The following PTPRN2 variants were observed in gnomAD, a reference collection of about 807,000 sequenced individuals.
PTPRN2 encodes the protein protein tyrosine phosphatase receptor type N2.
A neutral mutation model predicts 118.8 loss-of-function variants in PTPRN2; 74 were observed. The ratio of observed to expected loss-of-function variants is 0.62; its 90% CI spans 0.52 to 0.76. The LOEUF is 0.76. PTPRN2 is among the 30% of genes least tolerant of loss of function. PTPRN2 has a pLI of 0.00. For missense variants in PTPRN2, 1,481 were observed against 1,394.4 expected (o/e 1.06, Z -0.99); for synonymous variants, 641 against 608.0 (o/e 1.05, Z -0.80).
chr7:158,270,764 CA>C (rs1798278813), intron 3 of PTPRN2, among the ~76,000 whole-genome samples: 1 of 145,798 alleles, frequency 6.9e-6, no homozygotes, highest in African/African-American at 2.7e-5. Context: ...CCACCTGGAC[CA>C]CCCCGTCCAC....
At chr7:157,656,579 G>A (rs1210216038) in intron 13 of PTPRN2, 28 bp from the exon 14 acceptor site, 4 of 1,503,448 alleles carry the variant, frequency 2.7e-6, no homozygotes, top group South Asian at 2.4e-5. Flanking sequence ...GAAGAGCAGG[G>A]GGTTAGTGGC....
chr7:158,109,947 G>A (rs139085611), intron 10 of PTPRN2, among the ~76,000 whole-genome samples: 135 of 152,188 alleles, frequency 8.9e-4, no homozygotes, highest in African/African-American at 3.0e-3. Flanking sequence ...GGGAGCCAGT[G>A]AGTGAATGAC....
intron 1 of PTPRN2, among the ~76,000 whole-genome samples, chr7:158,516,162 T>A (rs1823544676): frequency 6.6e-6 from 1 of 152,064 alleles, no homozygotes; most frequent in Non-Finnish European, 1.5e-5. Context: ...TCCAATTCAT[T>A]CTCCTCTCTC....
At position 157,831,674 on chromosome 7, in the gene PTPRN2, A is replaced by G. The variant is rs1807579715; in HGVS notation, c.1788+66999T>C. Among the ~76,000 whole-genome samples the G allele has an allele frequency of 6.6e-6, 1 of 152,158 alleles. No individual in the cohort carries two copies. The highest frequency in any genetic ancestry group is 2.1e-4 in the South Asian group (1 of 4,824). On this transcript the variant is annotated intron_variant, in intron 12 of 22. Transcript: ENST00000389418. This position sits in a 1 kb window ranked among gnomAD's most constrained non-coding sequence, Gnocchi z 4.8. ...TTGGGAGTCTACACAGGTGTTCTGC[A>G]CTGAGCTCCCCTCTACTTCGGGCCT... is the stretch of plus-strand genomic sequence containing the variant.
chr7:158,284,063 T>C (rs377077133), intron 3 of PTPRN2, among the ~76,000 whole-genome samples: 1 of 152,188 alleles, frequency 6.6e-6, no homozygotes, highest in South Asian at 2.1e-4. Flanking sequence ...TTCGATGTCG[T>C]TGGATTTTCC....
chr7:157,981,536 A>G (rs949251823), intron 11 of PTPRN2, among the ~76,000 whole-genome samples: 8 of 152,262 alleles, frequency 5.3e-5, no homozygotes, highest in African/African-American at 1.9e-4. Context: ...CTGTTTTAAA[A>G]GGAGCTTTTC....
chr7:158,369,375 C>A (rs1809787913), intron 2 of PTPRN2, among the ~76,000 whole-genome samples: 1 of 151,880 alleles, frequency 6.6e-6, no homozygotes, highest in Non-Finnish European at 1.5e-5. Context: ...AGAACCCTGA[C>A]TAATACACAG....
In PTPRN2 at chr7:157,790,284, G is replaced by GTGTGT. The variant is rs1445041654; in HGVS notation, c.1789-107352_1789-107348dup. On this transcript the variant is annotated intron_variant, in intron 12 of 22. Coordinates refer to ENST00000389418, the MANE Select transcript of PTPRN2 (RefSeq NM_002847.5). ...TGTGTGGTGTTTGTGTGGTGTGAAT[G>GTGTGT]TGTGTGGTGTGTGTATGGTGGTGTG... Among the ~76,000 whole-genome samples the GTGTGT allele has an allele frequency of 1.5e-3, 230 of 149,098 alleles. 1 individual carries two copies. The highest frequency in any genetic ancestry group is 5.6e-3 in the African/African-American group (225 of 40,466).
chr7:158,282,489 C>T (rs773244084), intron 3 of PTPRN2, among the ~76,000 whole-genome samples: 13 of 152,320 alleles, frequency 8.5e-5, no homozygotes, highest in South Asian at 2.1e-4. Flanking sequence ...CAGGAAGCCG[C>T]GGGCAGAGCA....
intron 2 of PTPRN2, among the ~76,000 whole-genome samples, chr7:158,331,040 G>C (rs112599670): frequency 4.9e-5 from 7 of 143,106 alleles, no homozygotes; most frequent in African/African-American, 1.8e-4. Context: ...CACCATAAGA[G>C]GTGACACCTG....
intron 2 of PTPRN2, among the ~76,000 whole-genome samples, chr7:158,450,451 G>GC (rs1554506322): frequency 6.6e-6 from 1 of 152,146 alleles, no homozygotes; most frequent in Non-Finnish European, 1.5e-5. Context: ...GCACAAAAAC[G>GC]CATCGTATAG....
rs751580277 is a variant in PTPRN2 at position 157,548,963 on chromosome 7, C to T, written c.2959G>A (p.Gly987Ser). Residue 987 changes from glycine (G) to serine (S), a missense_variant, in exon 22 of 23, where the codon GGC (glycine) becomes AGC (serine). Physicochemically the swap from Gly to Ser is moderately conservative, Grantham distance 56. Transcript: ENST00000389418. Reference sequence around the variant, plus strand: ...GACAGTACCTTCGTCTGGACCATGCCGGGTCTCTGGTCCCTCAAGTGCTCC... The same window carrying T: ...GACAGTACCTTCGTCTGGACCATGCTGGGTCTCTGGTCCCTCAAGTGCTCC... ...TLEHLRDQRP[G>S]MVQTKEQFEF... 9 of 1,614,156 alleles carry T rather than the reference C, an allele frequency of 5.6e-6. No individual in the cohort carries two copies. Among genetic ancestry groups the T allele is most frequent in the Admixed American group, 1.7e-5 (1 of 60,022 alleles).
intron 1 of PTPRN2, among the ~76,000 whole-genome samples, chr7:158,579,986 T>C (rs986762630): frequency 2.6e-5 from 4 of 152,216 alleles, no homozygotes; most frequent in African/African-American, 9.6e-5. Flanking sequence ...GTCTCAACCT[T>C]GGCCTGTTTT....
chr7:158,573,468 G>T (rs896859450), intron 1 of PTPRN2, among the ~76,000 whole-genome samples: 11 of 152,166 alleles, frequency 7.2e-5, no homozygotes, highest in Non-Finnish European at 1.5e-4. Flanking sequence ...GCTAGAAGCG[G>T]TCTGGAGGAG....
At chr7:157,564,223 C>T (rs1434750679) in intron 21 of PTPRN2, among the ~76,000 whole-genome samples, 1 of 152,190 alleles carries the variant, frequency 6.6e-6, no homozygotes, top group Non-Finnish European at 1.5e-5. Flanking sequence ...CCTCCGCCTC[C>T]CGGGTTCAAG....
At chr7:157,720,704 G>C (rs1799185214) in intron 12 of PTPRN2, among the ~76,000 whole-genome samples, 1 of 152,184 alleles carries the variant, frequency 6.6e-6, no homozygotes, top group Non-Finnish European at 1.5e-5. Flanking sequence ...CTCCTTCAAG[G>C]ATAACGGCAA....
intron 2 of PTPRN2, among the ~76,000 whole-genome samples, chr7:158,437,306 T>C (rs550577743): frequency 6.6e-6 from 1 of 152,260 alleles, no homozygotes; most frequent in Non-Finnish European, 1.5e-5. Flanking sequence ...AGAATCAATT[T>C]TTCTGGTGAA....
intron 1 of PTPRN2, among the ~76,000 whole-genome samples, chr7:158,527,737 C>T (rs1824896767): frequency 6.6e-6 from 1 of 152,122 alleles, no homozygotes; most frequent in Non-Finnish European, 1.5e-5. Context: ...TCACCGTGAC[C>T]TCTGCAGAGA....
chr7:158,192,106 A>T (rs1825811853), intron 5 of PTPRN2, among the ~76,000 whole-genome samples: 1 of 152,176 alleles, frequency 6.6e-6, no homozygotes, highest in Admixed American at 6.5e-5. Flanking sequence ...GATCCTACAG[A>T]GCCTCACCCA....
Sources: gnomAD v4.1 joint callset for allele counts (sites outside exome capture counted in the v4.1 genomes callset) on GRCh38, gnomAD v4.1.1 for gene constraint, Gnocchi (gnomAD v3.1) non-coding constraint, MANE v1.5 for transcripts, NCBI Gene and HGNC (gene_info 2026-07-23, HGNC 2026-07-21) for gene names.